SORCS3: variants seen among roughly 807,000 people sequenced by gnomAD.
The protein encoded by SORCS3 is sortilin related VPS10 domain containing receptor 3.
A neutral mutation model predicts 146.3 loss-of-function variants in SORCS3; 57 were observed. The observed-to-expected ratio is 0.39, with a 90% CI of 0.31 to 0.49. The LOEUF (loss-of-function observed/expected upper bound fraction) is 0.49. Ranked by LOEUF, SORCS3 falls within the 20% of genes least tolerant of loss-of-function variation. SORCS3 has a pLI of 0.92. For synonymous variants in SORCS3, 653 were observed against 618.5 expected (o/e 1.06, Z -0.83); for missense variants, 1,341 against 1,575.5 (o/e 0.85, Z 2.52).
chr10:105,183,355 C>T (rs2119573812), intron 14 of SORCS3, among the ~76,000 whole-genome samples: 1 of 148,282 alleles, frequency 6.7e-6, no homozygotes, highest in South Asian at 2.2e-4. Flanking sequence ...AACCCCAAAG[C>T]TGCAGAGGTT....
Position 105,142,952 on chromosome 10 carries a change from T to A in SORCS3, c.1302+3466T>A, listed in dbSNP as rs144502405. Among the ~76,000 whole-genome samples the A allele has an allele frequency of 5.5e-3, 835 of 152,260 alleles. 3 individuals are homozygous for A. The highest frequency in any genetic ancestry group is 0.022 in the South Asian group (107 of 4,830). On this transcript the variant is annotated intron_variant, in intron 8 of 26. Transcript: ENST00000369701. ...CTTTTGTTTCCTTAGTTTTTACATT[T>A]CCCCAAATACTGATTTATCCTTCAC...
chr10:105,247,973 T>C (rs780048736), intron 22 of SORCS3, among the ~76,000 whole-genome samples: 3 of 152,146 alleles, frequency 2.0e-5, no homozygotes, highest in Non-Finnish European at 4.4e-5. Context: ...TGTTCACCAA[T>C]AGGATCTTCT....
At chr10:104,805,996 G>A (rs562959719) in intron 1 of SORCS3, among the ~76,000 whole-genome samples, 17 of 152,250 alleles carry the variant, frequency 1.1e-4, no homozygotes, top group African/African-American at 4.1e-4. Context: ...GCATTATGAG[G>A]CCCATGGAAT....
chr10:105,256,238 T>C (rs111720593), intron 24 of SORCS3, among the ~76,000 whole-genome samples: 99 of 152,274 alleles, frequency 6.5e-4, no homozygotes, highest in African/African-American at 2.3e-3. Flanking sequence ...TGAGTCAAAG[T>C]AGAAACAGGA....
intron 1 of SORCS3, among the ~76,000 whole-genome samples, chr10:104,649,217 CA>C (rs79239437): frequency 0.25 from 38,716 of 151,972 alleles, 5,084 homozygotes; most frequent in South Asian, 0.33. Flanking sequence ...TAAATAAGAT[CA>C]ATGGATTTTG....
intron 4 of SORCS3, among the ~76,000 whole-genome samples, chr10:105,013,533 TC>T (rs2055147401): frequency 1.3e-5 from 2 of 152,108 alleles, no homozygotes; most frequent in Admixed American, 1.3e-4. Flanking sequence ...GGATTTTTAT[TC>T]CCCAGCAATA....
intron 1 of SORCS3, among the ~76,000 whole-genome samples, chr10:104,794,624 AGAG>A (rs2017531786): frequency 2.1e-5 from 1 of 47,646 alleles, no homozygotes; most frequent in African/African-American, 1.2e-4. Flanking sequence ...AGAGGGAGGG[AGAG>A]AGAGAGAGAG....
intron 6 of SORCS3, among the ~76,000 whole-genome samples, chr10:105,098,307 G>T (rs1173022004): frequency 6.6e-6 from 1 of 152,156 alleles, no homozygotes; most frequent in Non-Finnish European, 1.5e-5. Flanking sequence ...TATGGATTGA[G>T]ATATAGGATT....
rs191656100 is a variant in SORCS3, at chr10:105,230,704, A to C, written c.2868+7455A>C. Among the ~76,000 whole-genome samples the C allele has an allele frequency of 2.8e-3, 420 of 152,266 alleles. 5 individuals are homozygous for C. Among genetic ancestry groups the C allele is most frequent in the Middle Eastern group, 6.8e-3 (2 of 294 alleles). ...TTGCCAGTGGCCTGTGCCTTAGTCC[A>C]CATAGCAGCAGCTAGGTGCAGTGGT... On this transcript the variant is annotated intron_variant, in intron 20 of 26. Coordinates refer to ENST00000369701, the MANE Select transcript of SORCS3 (RefSeq NM_014978.3).
chr10:104,886,556 A>ATCTG (rs1393103832), intron 2 of SORCS3, among the ~76,000 whole-genome samples: 2 of 35,592 alleles, frequency 5.6e-5, no homozygotes, highest in African/African-American at 1.7e-4. Context: ...TAACTCTATC[A>ATCTG]TCTATCTATC....
chr10:104,841,825 C>T (rs79988460), intron 1 of SORCS3, among the ~76,000 whole-genome samples: 1,895 of 152,150 alleles, frequency 0.012, 36 homozygotes, highest in African/African-American at 0.043. Flanking sequence ...ATGAGTTGTG[C>T]ATTAAATTTA....
intron 11 of SORCS3, among the ~76,000 whole-genome samples, chr10:105,160,553 G>C (rs1013675618): frequency 3.3e-5 from 5 of 152,144 alleles, no homozygotes; most frequent in Admixed American, 1.3e-4. Context: ...CTTGAACCCA[G>C]GAGGCAGAGG....
intron 11 of SORCS3, among the ~76,000 whole-genome samples, chr10:105,163,540 C>T (rs1252969372): frequency 6.6e-6 from 1 of 152,090 alleles, no homozygotes; most frequent in African/African-American, 2.4e-5. Flanking sequence ...GAGGGCTGCT[C>T]ATTGGGAAAA....
chr10:104,710,593 A>C (rs925597681), intron 1 of SORCS3, among the ~76,000 whole-genome samples: 2 of 152,204 alleles, frequency 1.3e-5, no homozygotes, highest in Non-Finnish European at 2.9e-5. Flanking sequence ...AAAAGCCAGA[A>C]TGAAGTGACG....
intron 1 of SORCS3, among the ~76,000 whole-genome samples, chr10:104,773,127 G>A (rs2017271373): frequency 6.6e-6 from 1 of 152,188 alleles, no homozygotes. Context: ...TAAAGCAGGG[G>A]AGCAGCACAC....
rs1336745869 is a variant in SORCS3, at chr10:104,891,713, A to G, written c.696-24120A>G. Among the ~76,000 whole-genome samples the G allele has an allele frequency of 1.3e-5, 2 of 152,152 alleles. 1 individual carries two copies. The highest frequency in any genetic ancestry group is 2.9e-5 in the Non-Finnish European group (2 of 68,034). ...TCTCTGTTACTCCCTCTTGTCCAGA[A>G]TCAGAAGTACCTATGCTTTATTTTA... On this transcript the variant is annotated intron_variant, in intron 2 of 26. Transcript: ENST00000369701.
chr10:104,919,807 G>A (rs2019069279), intron 3 of SORCS3, among the ~76,000 whole-genome samples: 1 of 152,156 alleles, frequency 6.6e-6, no homozygotes, highest in Non-Finnish European at 1.5e-5. Flanking sequence ...GGTATGTATT[G>A]TAATCTGAGC....
chr10:105,263,333 A>G lies in SORCS3; in HGVS notation c.3628A>G (p.Ser1210Gly), dbSNP rs1348944545. Residue 1210 changes from serine to glycine, a missense_variant, in exon 27 of 27, where the codon AGC (serine) becomes GGC (glycine). Coordinates refer to ENST00000369701, the MANE Select transcript of SORCS3 (RefSeq NM_014978.3). ...AGGAGGCATTGCCACTATTGCAAAC[A>G]GCGAAAGCACAAAGGAGATCCCCAA... ...VIGGIATIAN[S>G]ESTKEIPNCT... The G allele has an allele frequency of 6.2e-7, 1 of 1,614,004 alleles. No homozygotes were observed. The highest frequency in any genetic ancestry group is 2.2e-5 in the East Asian group (1 of 44,888).
chr10:104,717,745 A>G (rs1363456119), intron 1 of SORCS3, among the ~76,000 whole-genome samples: 1 of 152,242 alleles, frequency 6.6e-6, no homozygotes, highest in African/African-American at 2.4e-5. Context: ...TTTAAGATTT[A>G]AAAAGCCTCA....
Sources: allele counts gnomAD v4.1 joint callset (sites outside exome capture counted in the v4.1 genomes callset), GRCh38; gene constraint gnomAD v4.1.1; transcripts MANE v1.5; gene names NCBI Gene and HGNC (gene_info 2026-07-23, HGNC 2026-07-21).